Variants in DISP1 observed in about 807,000 individuals in gnomAD.
DISP1 encodes the protein dispatched RND transporter family member 1.
DISP1 carries 30 observed loss-of-function variants against 37.3 expected under a neutral mutation model. The observed-to-expected ratio is 0.80, with a 90% CI of 0.60 to 1.09. The LOEUF is 1.09. DISP1 is among the 50% of genes least tolerant of loss of function. The pLI, the probability that DISP1 is intolerant of heterozygous loss-of-function variation, is 0.00. For missense variants in DISP1, 1,598 were observed against 1,879.5 expected (o/e 0.85, Z 2.77); for synonymous variants, 634 against 690.2 (o/e 0.92, Z 1.28).
intron 1 of DISP1, among the ~76,000 whole-genome samples, chr1:222,854,680 G>C (rs1244626400): frequency 6.6e-6 from 1 of 151,860 alleles, no homozygotes; most frequent in Non-Finnish European, 1.5e-5. Flanking sequence ...GTGAGTTGCA[G>C]TGTTCTCCTT....
chr1:222,821,878 C>CAAAAA lies in DISP1; in HGVS notation c.-159+6819_-159+6823dup, dbSNP rs35160286. Among the ~76,000 whole-genome samples, 22 of 73,594 alleles carry CAAAAA rather than the reference C, an allele frequency of 3.0e-4. No homozygotes were observed. The South Asian group carries it at 9.3e-3, about 31-fold the overall frequency. The allele number at this position is 73,594 out of a possible 152,430, so 48.3% of individuals were successfully genotyped here. On this transcript the variant is annotated intron_variant, in intron 1 of 8. Transcript: ENST00000675850. ...TGGATGACAGAGTGAGACTCCATCT[C>CAAAAA]AAAAAAAAAAAAAAAAAAAAAAAGT...
chr1:222,936,915 T>TATATTAC (rs1558340472), intron 2 of DISP1, among the ~76,000 whole-genome samples: 5 of 78,490 alleles, frequency 6.4e-5, no homozygotes, highest in African/African-American at 2.6e-4. Flanking sequence ...TAATATATTA[T>TATATTAC]ATATTATATA....
intron 3 of DISP1, among the ~76,000 whole-genome samples, chr1:222,949,070 TA>T (rs1205623764): frequency 6.6e-6 from 1 of 152,148 alleles, no homozygotes; most frequent in South Asian, 2.1e-4. Context: ...GTGTTTTTTT[TA>T]AAAAAAAATT....
At chr1:222,990,092 A>G (rs1349538991) in intron 4 of DISP1, among the ~76,000 whole-genome samples, 1 of 152,150 alleles carries the variant, frequency 6.6e-6, no homozygotes, top group Non-Finnish European at 1.5e-5. Context: ...GTGAGCCACC[A>G]TGCTCAGCCC....
chr1:222,908,469 G>A (rs970341433), intron 1 of DISP1, among the ~76,000 whole-genome samples: 6 of 152,124 alleles, frequency 3.9e-5, no homozygotes, highest in African/African-American at 9.7e-5. Flanking sequence ...GCAGTGGTGC[G>A]ATCTCGGCTC....
intron 1 of DISP1, among the ~76,000 whole-genome samples, chr1:222,850,108 T>G (rs935893358): frequency 6.6e-6 from 1 of 152,192 alleles, no homozygotes; most frequent in African/African-American, 2.4e-5. Context: ...ATAGGGTTTC[T>G]GTGAAATTTA....
In DISP1 at chr1:222,821,375, A is replaced by AT. The variant is rs1248240934; in HGVS notation, c.-159+6301dup. Among the ~76,000 whole-genome samples, 4 of 152,316 alleles carry AT rather than the reference A, an allele frequency of 2.6e-5. No homozygotes were observed. In the East Asian group the frequency reaches 7.7e-4, roughly 29 times the overall value. ...CCAAAGATAATTGGTTACAAAAGAC[A>AT]TTTTCTGGGATGATGCATCATAAGA... On this transcript the variant is annotated intron_variant, in intron 1 of 8. Coordinates refer to ENST00000675850, the MANE Select transcript of DISP1 (RefSeq NM_001377229.1).
intron 1 of DISP1, among the ~76,000 whole-genome samples, chr1:222,833,044 G>A (rs1666143177): frequency 1.3e-5 from 2 of 152,062 alleles, no homozygotes; most frequent in Admixed American, 6.5e-5. Flanking sequence ...GCTGGAGGAG[G>A]GAATTGAGGC....
Position 222,942,958 on chromosome 1 carries a change from A to T in DISP1, c.135A>T (p.Ala45=). 2 of 1,614,190 alleles carry T rather than the reference A, an allele frequency of 1.2e-6. No homozygotes were observed. Among genetic ancestry groups the T allele is most frequent in the Non-Finnish European group, 1.7e-6 (2 of 1,180,042 alleles). ...CCCAGCAGCTCACACCCAAAGAAGC[A>T]ACAAGAACAAAAGTGAGTCCAAATG... ...HAAQQLTPKE[A]TRTKVSPNGC... The change falls in exon 3 of 9, where the codon GCA becomes GCT. Residue 45 remains alanine (A), a synonymous_variant. Transcript: ENST00000675850.
chr1:222,872,336 G>T (rs1669638906), intron 1 of DISP1: 2 of 152,132 alleles, frequency 1.3e-5, no homozygotes, highest in Non-Finnish European at 2.9e-5. Context: ...TTTTTCTATT[G>T]ATTGGAATAG....
chr1:222,979,675 C>A (rs1390695304), intron 3 of DISP1: 7 of 470,698 alleles, frequency 1.5e-5, no homozygotes. Context: ...TGAACGTGTT[C>A]ACTGAAAGCC....
chr1:222,943,445 A>G, intron 3 of DISP1, 113 bp downstream of exon 3: 2 of 1,408,062 alleles, frequency 1.4e-6, no homozygotes, highest in South Asian at 1.2e-5. Context: ...GAAAGAAAAC[A>G]TGAAAACGCA....
intron 1 of DISP1, among the ~76,000 whole-genome samples, chr1:222,832,285 A>G (rs1030270421): frequency 2.6e-5 from 4 of 152,060 alleles, no homozygotes; most frequent in African/African-American, 7.2e-5. Context: ...CTGATTTACT[A>G]CTTGTTGGCT....
intron 3 of DISP1, among the ~76,000 whole-genome samples, chr1:222,976,013 C>CCTTG (rs531887409): frequency 7.4e-4 from 113 of 152,136 alleles, no homozygotes; most frequent in African/African-American, 2.7e-3. Context: ...TGTCATCTTT[C>CCTTG]CTTGGGCCTT....
intron 1 of DISP1, chr1:222,837,037 T>C: frequency 2.5e-6 from 1 of 398,562 alleles, no homozygotes; most frequent in Non-Finnish European, 4.4e-6. Flanking sequence ...AGCTAGCCCA[T>C]GACTACACAA....
At position 222,887,599 on chromosome 1, in the gene DISP1, C is replaced by A. The variant is rs371189355; in HGVS notation, c.-158-40831C>A. Among the ~76,000 whole-genome samples, 613 of 114,688 alleles carry A rather than the reference C, an allele frequency of 5.3e-3. 51 individuals carry two copies. The highest frequency in any genetic ancestry group is 0.021 in the South Asian group (72 of 3,402). The allele number at this position is 114,688 out of a possible 152,430, so 75.2% of individuals were successfully genotyped here. On this transcript the variant is annotated intron_variant, in intron 1 of 8. Coordinates refer to ENST00000675850, the MANE Select transcript of DISP1 (RefSeq NM_001377229.1). ...CTGCAAGCTCCGCTTCCTGGGTTCA[C>A]GCCATTCTCCTGCCTCAGCCTCCCG...
intron 8 of DISP1, among the ~76,000 whole-genome samples, chr1:223,001,077 T>G (rs1469659451): frequency 6.6e-6 from 1 of 152,152 alleles, no homozygotes; most frequent in Admixed American, 6.5e-5. Flanking sequence ...GAGGGGCTAC[T>G]CATCTAATTT....
chr1:222,995,943 T>C (rs1679038915), intron 8 of DISP1, among the ~76,000 whole-genome samples: 3 of 152,208 alleles, frequency 2.0e-5, no homozygotes, highest in Admixed American at 2.0e-4. Flanking sequence ...CTCATTGTAC[T>C]AACATGAGTA....
chr1:222,924,922 TC>T (rs995744220), intron 1 of DISP1, among the ~76,000 whole-genome samples: 1 of 152,042 alleles, frequency 6.6e-6, no homozygotes, highest in African/African-American at 2.4e-5. Context: ...TCTTTTTCCC[TC>T]CCCCATGCCC....
Sources: allele counts gnomAD v4.1 joint callset (sites outside exome capture counted in the v4.1 genomes callset), GRCh38; gene constraint gnomAD v4.1.1; transcripts MANE v1.5; gene names NCBI Gene and HGNC (gene_info 2026-07-23, HGNC 2026-07-21).